The following GLIPR1L2 variants were observed in gnomAD, a reference collection of about 807,000 sequenced individuals.
GLIPR1L2 encodes GLIPR1-like protein 2.
In GLIPR1L2, 21 loss-of-function variants were observed where a neutral mutation model predicts 28.4. The observed-to-expected ratio is 0.74, with a 90% CI of 0.52 to 1.06. The LOEUF (loss-of-function observed/expected upper bound fraction) is 1.06. GLIPR1L2 is among the 50% of genes least tolerant of loss of function. The pLI, the probability that GLIPR1L2 is intolerant of heterozygous loss-of-function variation, is 0.00. For missense variants in GLIPR1L2, 476 were observed against 416.9 expected (o/e 1.14, Z -1.23); for synonymous variants, 145 against 139.3 (o/e 1.04, Z -0.29).
intron 4 of GLIPR1L2, chr12:75,423,264 G>GCTTCA: frequency 8.0e-7 from 1 of 1,242,410 alleles, no homozygotes; most frequent in South Asian, 3.0e-5. Flanking sequence ...CCCTTAAAAA[G>GCTTCA]CTTCACAGTT....
chr12:75,394,777 A>AAAAAAAAC (rs1295566367), intron 1 of GLIPR1L2, among the ~76,000 whole-genome samples: 2 of 151,378 alleles, frequency 1.3e-5, no homozygotes, highest in African/African-American at 2.4e-5. Context: ...AAAAAAAAAA[A>AAAAAAAAC]AAAAAAACAT....
chr12:75,400,640 T>G (rs1055812066), intron 1 of GLIPR1L2, among the ~76,000 whole-genome samples: 5 of 152,192 alleles, frequency 3.3e-5, no homozygotes, highest in African/African-American at 1.2e-4. Context: ...TGTGATTTTG[T>G]TTTTATAAAG....
In GLIPR1L2 at chr12:75,430,756, C is replaced by A; in HGVS notation, c.697+15C>A. 2.0e-6 allele frequency: 3 copies of A among 1,534,532 alleles called. No individual in the cohort carries two copies. The South Asian group carries it at 3.6e-5, about 18-fold the overall frequency. ...CCAAGCCACATGTATGTATTGTTGT[C>A]CTTTATTTCTTGAACAATTGAACTG... On this transcript the variant is annotated intron_variant, in intron 5 of 5. Transcript: ENST00000550916.
chr12:75,422,976 A>G lies in GLIPR1L2; in HGVS notation c.657A>G (p.Thr219=). The G allele has an allele frequency of 1.2e-6, 2 of 1,613,088 alleles. No homozygotes were observed. The highest frequency in any genetic ancestry group is 8.5e-7 in the Non-Finnish European group (1 of 1,179,386). The part of the protein sequence containing the change: ...CTRCGRRDKC[T]DFLCSNADRD... ...GATGTGGCAGACGTGACAAATGCAC[A>G]GATTTTCTATGCAGTAAGATAAAGA... Residue 219 remains threonine, a synonymous_variant, in exon 4 of 6, where the codon ACA becomes ACG. Transcript: ENST00000550916.
At chr12:75,402,762 C>T (rs1029061573) in intron 1 of GLIPR1L2, among the ~76,000 whole-genome samples, 1 of 152,198 alleles carries the variant, frequency 6.6e-6, no homozygotes, top group South Asian at 2.1e-4. Flanking sequence ...ATCACTCTGG[C>T]CTGCCTTCAG....
chr12:75,428,830 AG>A (rs1352574002), intron 4 of GLIPR1L2, among the ~76,000 whole-genome samples: 2 of 152,232 alleles, frequency 1.3e-5, no homozygotes, highest in African/African-American at 4.8e-5. Flanking sequence ...AAAGGGTGCA[AG>A]CCCCAAGCCT....
intron 1 of GLIPR1L2, among the ~76,000 whole-genome samples, chr12:75,405,819 C>T (rs900522922): frequency 1.3e-5 from 2 of 152,040 alleles, no homozygotes; most frequent in African/African-American, 4.8e-5. Context: ...ATTTATGTTG[C>T]ATGGTCAAAG....
chr12:75,422,598 G>A (rs966377087), intron 3 of GLIPR1L2, among the ~76,000 whole-genome samples: 6 of 152,040 alleles, frequency 3.9e-5, no homozygotes, highest in South Asian at 2.1e-4. Flanking sequence ...CACCGCGCCC[G>A]GTCTACATCA....
intron 4 of GLIPR1L2, among the ~76,000 whole-genome samples, chr12:75,427,152 A>G (rs1233211496): frequency 6.6e-6 from 1 of 152,224 alleles, no homozygotes; most frequent in East Asian, 1.9e-4. Flanking sequence ...CTAAGGGCCA[A>G]AGATACTAAA....
intron 1 of GLIPR1L2, among the ~76,000 whole-genome samples, chr12:75,410,041 T>C (rs1159172789): frequency 6.6e-6 from 1 of 151,582 alleles, no homozygotes; most frequent in African/African-American, 2.4e-5. Context: ...ATTTTGCATA[T>C]AATCATTACT....
At chr12:75,418,305 G>C (rs2045943348) in intron 3 of GLIPR1L2, among the ~76,000 whole-genome samples, 1 of 151,962 alleles carries the variant, frequency 6.6e-6, no homozygotes, top group African/African-American at 2.4e-5. Context: ...TCATCTTAGA[G>C]GATTAAATTT....
At chr12:75,393,417 A>T (rs1267606460) in intron 1 of GLIPR1L2, among the ~76,000 whole-genome samples, 2 of 151,970 alleles carry the variant, frequency 1.3e-5, no homozygotes, top group African/African-American at 4.8e-5. Context: ...CCCTCCTCCC[A>T]GGCCTCTATC....
In GLIPR1L2 at chr12:75,391,486, A is replaced by G. The variant is rs143780619; in HGVS notation, c.234+136A>G. ...GCACTTTTAGCTTGGTTTTTAAAGT[A>G]CACGTGAAGTTTACACAGAGAAAAA... On this transcript the variant is annotated intron_variant, in intron 1 of 5. Transcript: ENST00000550916. The G allele has an allele frequency of 3.9e-6, 6 of 1,546,770 alleles. No homozygotes were observed. In the African/African-American group the frequency reaches 5.5e-5, roughly 14 times the overall value.
intron 4 of GLIPR1L2, among the ~76,000 whole-genome samples, chr12:75,428,150 T>C (rs888678098): frequency 6.6e-6 from 1 of 152,174 alleles, no homozygotes; most frequent in African/African-American, 2.4e-5. Context: ...TGTTGAATAG[T>C]TTTGACCAAA....
chr12:75,417,161 G>T (rs1371192070), intron 3 of GLIPR1L2, among the ~76,000 whole-genome samples: 1 of 152,020 alleles, frequency 6.6e-6, no homozygotes, highest in Non-Finnish European at 1.5e-5. Context: ...GATCTTGAGA[G>T]GAGCTTATTC....
rs530572718 is a variant in GLIPR1L2, at chr12:75,405,862, G to GT, written c.235-4566dup. 6.6e-4 allele frequency among the ~76,000 whole-genome samples: 101 copies of GT among 152,162 alleles called. 1 individual carries two copies. The highest frequency in any genetic ancestry group is 2.1e-3 in the South Asian group (10 of 4,824). ...AGACCAAATGGTTTTATTTATAATGGTTTTTTAGAAAACCTTAAATGACAT... is the reference window on the plus strand; with the variant it reads ...AGACCAAATGGTTTTATTTATAATGGTTTTTTTAGAAAACCTTAAATGACAT... On this transcript the variant is annotated intron_variant, in intron 1 of 5. Coordinates refer to ENST00000550916, the MANE Select transcript of GLIPR1L2 (RefSeq NM_001270396.2).
chr12:75,403,167 A>G (rs2045761093), intron 1 of GLIPR1L2: 1 of 456,484 alleles, frequency 2.2e-6, no homozygotes, highest in Admixed American at 2.4e-5. Context: ...CTCCTGAGCC[A>G]GTGCTCCAGA....
At chr12:75,402,627 C>T (rs1284598299) in intron 1 of GLIPR1L2, among the ~76,000 whole-genome samples, 1 of 152,148 alleles carries the variant, frequency 6.6e-6, no homozygotes, top group Non-Finnish European at 1.5e-5. Context: ...TATATTTTGA[C>T]GAAGACTCTG....
At chr12:75,418,553 C>A (rs140307228) in intron 3 of GLIPR1L2, among the ~76,000 whole-genome samples, 1 of 152,000 alleles carries the variant, frequency 6.6e-6, no homozygotes, top group African/African-American at 2.4e-5. Context: ...AGATATGTGG[C>A]GTTATTCCTG....
Sources: allele counts gnomAD v4.1 joint callset (sites outside exome capture counted in the v4.1 genomes callset), GRCh38; gene constraint gnomAD v4.1.1; transcripts MANE v1.5; gene names NCBI Gene and HGNC (gene_info 2026-07-23, HGNC 2026-07-21).